Variants in ST3GAL2 observed in about 807,000 individuals in gnomAD.
The protein encoded by ST3GAL2 is CMP-N-acetylneuraminate-beta-galactosamide-alpha-2,3-sialyltransferase 2.
A neutral mutation model predicts 37.5 loss-of-function variants in ST3GAL2; 16 were observed. That is an observed-to-expected ratio of 0.43 (90% confidence interval 0.29 to 0.65). The LOEUF (loss-of-function observed/expected upper bound fraction) is 0.65. Ranked by LOEUF, ST3GAL2 falls within the 30% of genes least tolerant of loss-of-function variation. ST3GAL2 has a pLI of 0.17. For synonymous variants in ST3GAL2, 238 were observed against 202.9 expected, an observed-to-expected ratio of 1.17 and a Z score of -1.47; for missense variants, 383 against 487.8, an observed-to-expected ratio of 0.79 and a Z score of 2.02.
At chr16:70,422,452 G>C (rs892198387) in intron 1 of ST3GAL2, among the ~76,000 whole-genome samples, 1 of 152,192 alleles carries the variant, frequency 6.6e-6, no homozygotes, top group Non-Finnish European at 1.5e-5. Flanking sequence ...TGGGCGCTGA[G>C]CAGGAGAAGC....
At chr16:70,413,581 A>T (rs940021456) in intron 1 of ST3GAL2, among the ~76,000 whole-genome samples, 66 of 144,880 alleles carry the variant, frequency 4.6e-4, no homozygotes, top group Non-Finnish European at 7.6e-4. Flanking sequence ...AAAAAAAAAA[A>T]AAAAATTAGC....
In ST3GAL2 at chr16:70,395,043, A is replaced by C; in HGVS notation, c.472T>G (p.Ser158Ala). ...QCRRCAVVGN[S>A]GNLRGSGYGQ... ...TAGCCAGAGCCCCGCAGGTTGCCCG[A>C]GTTCCCCACCACGGCACAGCGCCGG... Residue 158 changes from serine (S) to alanine (A), a missense_variant, in exon 3 of 7, where the codon TCG becomes GCG. Coordinates refer to ENST00000342907, the MANE Select transcript of ST3GAL2 (RefSeq NM_006927.4). 1 of 1,613,942 alleles carries C rather than the reference A, an allele frequency of 6.2e-7. No individual in the cohort carries two copies. The highest frequency in any genetic ancestry group is 8.5e-7 in the Non-Finnish European group (1 of 1,179,960).
intron 3 of ST3GAL2, among the ~76,000 whole-genome samples, chr16:70,391,372 A>G (rs2047481135): frequency 6.6e-6 from 1 of 152,144 alleles, no homozygotes; most frequent in Non-Finnish European, 1.5e-5. Flanking sequence ...ACAGGGATCT[A>G]CTTCCAGCCT....
intron 1 of ST3GAL2, among the ~76,000 whole-genome samples, chr16:70,405,055 T>G (rs894616536): frequency 6.7e-6 from 1 of 148,826 alleles, no homozygotes; most frequent in Admixed American, 6.7e-5. Context: ...AAACACCTCA[T>G]ACACAAATGA....
At chr16:70,431,830 G>A (rs991486677) in intron 1 of ST3GAL2, among the ~76,000 whole-genome samples, 1 of 151,922 alleles carries the variant, frequency 6.6e-6, no homozygotes, top group African/African-American at 2.4e-5. Flanking sequence ...CAGGCGTGGT[G>A]GCGGGTGCCT....
chr16:70,416,382 T>C (rs2047676869), intron 1 of ST3GAL2, among the ~76,000 whole-genome samples: 1 of 152,136 alleles, frequency 6.6e-6, no homozygotes, highest in African/African-American at 2.4e-5. Context: ...CCCACATTTA[T>C]TAAGATTCTA....
At chr16:70,386,061 G>A (rs77598582) in intron 4 of ST3GAL2, among the ~76,000 whole-genome samples, 5,192 of 151,826 alleles carry the variant, frequency 0.034, 307 homozygotes, top group African/African-American at 0.12. Context: ...AATCTCTGTC[G>A]TCAGGCTTGA....
At chr16:70,414,309 T>C (rs1184767495) in intron 1 of ST3GAL2, among the ~76,000 whole-genome samples, 1 of 152,172 alleles carries the variant, frequency 6.6e-6, no homozygotes, top group Non-Finnish European at 1.5e-5. Context: ...GAAACTGCTC[T>C]CCCATTCCCA....
intron 1 of ST3GAL2, among the ~76,000 whole-genome samples, chr16:70,418,999 G>T (rs186524105): frequency 4.6e-5 from 7 of 152,168 alleles, no homozygotes; most frequent in Admixed American, 4.6e-4. Context: ...GGCCCAACCC[G>T]GGCGAGTCGC....
At chr16:70,416,092 A>G (rs1169657051) in intron 1 of ST3GAL2, among the ~76,000 whole-genome samples, 1 of 151,906 alleles carries the variant, frequency 6.6e-6, no homozygotes, top group African/African-American at 2.4e-5. Flanking sequence ...ATTCTTTAAC[A>G]ATCAAAAGGA....
intron 1 of ST3GAL2, among the ~76,000 whole-genome samples, chr16:70,417,652 T>C (rs1301410356): frequency 6.6e-6 from 1 of 152,084 alleles, no homozygotes; most frequent in South Asian, 2.1e-4. Context: ...CAGACATTAA[T>C]AGAGGCAGAA....
chr16:70,394,370 G>A (rs573616368), intron 3 of ST3GAL2, among the ~76,000 whole-genome samples: 9 of 152,210 alleles, frequency 5.9e-5, no homozygotes, highest in Non-Finnish European at 8.8e-5. Context: ...GGACAGGGCC[G>A]GCTTCTGATG....
chr16:70,390,020 T>C (rs962818311), intron 3 of ST3GAL2, among the ~76,000 whole-genome samples: 16 of 151,908 alleles, frequency 1.1e-4, no homozygotes, highest in Admixed American at 1.1e-3. Flanking sequence ...TCTCCTGACC[T>C]CGTGATCCGC....
intron 1 of ST3GAL2, among the ~76,000 whole-genome samples, chr16:70,422,716 T>A (rs975246767): frequency 7.2e-5 from 11 of 152,146 alleles, no homozygotes; most frequent in Admixed American, 2.0e-4. Flanking sequence ...CCTTGACCTC[T>A]GGCCCAGAGA....
chr16:70,416,576 A>T (rs2047678042), intron 1 of ST3GAL2, among the ~76,000 whole-genome samples: 1 of 152,222 alleles, frequency 6.6e-6, no homozygotes, highest in Non-Finnish European at 1.5e-5. Context: ...ACATAAGCCC[A>T]GGGCTATAAA....
intron 1 of ST3GAL2, among the ~76,000 whole-genome samples, chr16:70,417,767 G>A (rs112957273): frequency 1.3e-5 from 2 of 152,042 alleles, no homozygotes; most frequent in African/African-American, 4.8e-5. Flanking sequence ...GGTGGACCAG[G>A]GGAAGCCAGA....
chr16:70,381,435 T>G lies in ST3GAL2; in HGVS notation c.*254A>C. 4.0e-4 allele frequency: 173 copies of G among 435,536 alleles called. No homozygotes were observed. Among genetic ancestry groups the G allele is most frequent in the East Asian group, 8.4e-4 (20 of 23,940 alleles). The allele number at this position is 435,536 out of a possible 1,614,324, so 27.0% of individuals were successfully genotyped here. A position where few individuals can be genotyped will look rare whatever the true frequency, so the allele number is the denominator to read the frequency against. On this transcript the variant is annotated 3_prime_UTR_variant, in exon 7 of 7. Coordinates refer to ENST00000342907, the MANE Select transcript of ST3GAL2 (RefSeq NM_006927.4). ...GCCGCTGGCCCGCCCCCGAAGGCCA[T>G]TGATTGGAGGAGACTGGACACAGCG...
chr16:70,389,202 C>CAAAAAAA lies in ST3GAL2; in HGVS notation c.534-663_534-657dup, dbSNP rs1160368910. 6.9e-3 allele frequency among the ~76,000 whole-genome samples: 189 copies of CAAAAAAA among 27,374 alleles called. 67 individuals are homozygous for CAAAAAAA. Among genetic ancestry groups the CAAAAAAA allele is most frequent in the East Asian group, 0.031 (14 of 448 alleles). 18.0% of individuals were successfully genotyped at this position (27,374 alleles called of 152,430 possible). The stretch of plus-strand genomic sequence containing the variant: ...AGACCACGGTGAAACCCCATCTCTA[C>CAAAAAAA]AAAAAAAAAAAAAAAAAAAAAAAAA... On this transcript the variant is annotated intron_variant, in intron 3 of 6. Transcript: ENST00000342907.
chr16:70,397,902 G>A (rs1464093034), intron 2 of ST3GAL2, among the ~76,000 whole-genome samples: 1 of 152,110 alleles, frequency 6.6e-6, no homozygotes, highest in African/African-American at 2.4e-5. Context: ...TTCCTCTGGG[G>A]CAGGCCCCCC....
Sources: gnomAD v4.1 joint callset for allele counts (sites outside exome capture counted in the v4.1 genomes callset) on GRCh38, gnomAD v4.1.1 for gene constraint, MANE v1.5 for transcripts, NCBI Gene and HGNC (gene_info 2026-07-23, HGNC 2026-07-21) for gene names.